The following SDK1 variants were observed in gnomAD, a reference collection of about 807,000 sequenced individuals.
SDK1 encodes protein sidekick-1.
SDK1 carries 157 observed loss-of-function variants against 245.5 expected under a neutral mutation model. That is an observed-to-expected ratio of 0.64 (90% CI 0.56 to 0.73). The LOEUF is 0.73. SDK1 is among the 30% of genes least tolerant of loss of function. The pLI is 0.00. For synonymous variants in SDK1, 1,647 were observed against 1,278.5 expected (o/e 1.29, Z -6.15); for missense variants, 3,583 against 3,002.3 (o/e 1.19, Z -4.52).
intron 1 of SDK1, among the ~76,000 whole-genome samples, chr7:3,316,124 G>A (rs1779657539): frequency 2.0e-5 from 3 of 152,020 alleles, no homozygotes; most frequent in African/African-American, 7.2e-5. Flanking sequence ...GCATGAAGTT[G>A]TAAATGAAAA....
At chr7:4,025,945 A>G (rs1324359201) in intron 17 of SDK1, among the ~76,000 whole-genome samples, 1 of 152,194 alleles carries the variant, frequency 6.6e-6, no homozygotes, top group Non-Finnish European at 1.5e-5. Flanking sequence ...TTTGCTCAGG[A>G]GCCTAAATGC....
At chr7:3,566,082 A>G (rs936131347) in intron 1 of SDK1, among the ~76,000 whole-genome samples, 7 of 152,226 alleles carry the variant, frequency 4.6e-5, no homozygotes, top group Non-Finnish European at 8.8e-5. Context: ...TAAAATGCTA[A>G]TAAAAGACCA....
chr7:4,001,007 G>A (rs548117843), intron 14 of SDK1, among the ~76,000 whole-genome samples: 120 of 152,308 alleles, frequency 7.9e-4, no homozygotes, highest in Non-Finnish European at 1.5e-3. Context: ...TCACCAAGAC[G>A]AGATGGGGGT....
rs1782945217 is a variant in SDK1 at position 4,187,179 on chromosome 7, CA to C, written c.5098+8594del. ...ACGGGGGCCAAGTCCAGGGATGAGG[CA>C]GGGGGCACCTGAGGGAGTGGGGAGG... On this transcript the variant is annotated intron_variant, in intron 35 of 44. Transcript: ENST00000404826. 2.0e-5 allele frequency among the ~76,000 whole-genome samples: 3 copies of C among 152,062 alleles called. No individual in the cohort carries two copies. In the South Asian group the frequency reaches 6.2e-4, roughly 32 times the overall value.
chr7:3,418,145 GAAAAA>G (rs200914826), intron 1 of SDK1, among the ~76,000 whole-genome samples: 5 of 119,726 alleles, frequency 4.2e-5, no homozygotes, highest in African/African-American at 1.2e-4. Context: ...TACTAAAAAT[GAAAAA>G]AAAAAAAAAA....
At chr7:3,749,494 T>A (rs1235549781) in intron 4 of SDK1, among the ~76,000 whole-genome samples, 4 of 152,042 alleles carry the variant, frequency 2.6e-5, no homozygotes, top group Non-Finnish European at 5.9e-5. Flanking sequence ...AGAGACAGGG[T>A]TTCACCATGT....
At chr7:3,584,273 A>G (rs554920026) in intron 1 of SDK1, among the ~76,000 whole-genome samples, 1 of 152,098 alleles carries the variant, frequency 6.6e-6, no homozygotes, top group Non-Finnish European at 1.5e-5. Flanking sequence ...CATGAGATCT[A>G]TTTGAATACA....
At chr7:4,003,703 C>T (rs1019610103) in intron 14 of SDK1, among the ~76,000 whole-genome samples, 2 of 152,218 alleles carry the variant, frequency 1.3e-5, no homozygotes, top group East Asian at 1.9e-4. Context: ...CTTCCAGACA[C>T]GGGGAATTTA....
At chr7:3,860,131 A>G (rs777951870) in intron 5 of SDK1, among the ~76,000 whole-genome samples, 37 of 152,090 alleles carry the variant, frequency 2.4e-4, no homozygotes, top group Admixed American at 1.2e-3. Context: ...CAAGTTAGCC[A>G]GGATGGTCTC....
intron 4 of SDK1, among the ~76,000 whole-genome samples, chr7:3,699,823 A>T (rs535477370): frequency 2.0e-5 from 3 of 152,254 alleles, no homozygotes; most frequent in East Asian, 3.8e-4. Context: ...TTTCCTGAAT[A>T]TGGCATTTTA....
intron 20 of SDK1, among the ~76,000 whole-genome samples, chr7:4,075,334 A>G (rs150365209): frequency 3.9e-5 from 6 of 152,024 alleles, no homozygotes; most frequent in Admixed American, 1.3e-4. Flanking sequence ...ACGACATTAA[A>G]TTTTTTTCAA....
At chr7:3,377,546 C>G (rs889677076) in intron 1 of SDK1, among the ~76,000 whole-genome samples, 2 of 152,056 alleles carry the variant, frequency 1.3e-5, no homozygotes, top group African/African-American at 2.4e-5. Context: ...TGTACCCTGT[C>G]AGGCAGAGCT....
chr7:3,572,614 T>C (rs888762069), intron 1 of SDK1, among the ~76,000 whole-genome samples: 2 of 152,054 alleles, frequency 1.3e-5, no homozygotes, highest in Admixed American at 1.3e-4. Flanking sequence ...ATTATTATTA[T>C]TTTATTCTGA....
intron 1 of SDK1, among the ~76,000 whole-genome samples, chr7:3,468,790 C>T (rs1394553276): frequency 6.6e-5 from 10 of 152,134 alleles, no homozygotes; most frequent in Non-Finnish European, 4.4e-5. Flanking sequence ...AAGTGGACAA[C>T]TTCCCTAGTA....
At chr7:3,422,605 C>A (rs1287479264) in intron 1 of SDK1, among the ~76,000 whole-genome samples, 1 of 152,064 alleles carries the variant, frequency 6.6e-6, no homozygotes, top group East Asian at 1.9e-4. Flanking sequence ...CCAGCCTGGG[C>A]AACATAGCAA....
chr7:4,223,288 TG>T lies in SDK1; in HGVS notation c.5827+1926del, dbSNP rs139350271. ...TTTTCACTGACCTCTAACTAGAATT[TG>T]GCATTTCCTGTAATTATGGATGCAG... On this transcript the variant is annotated intron_variant, in intron 40 of 44. Coordinates refer to ENST00000404826, the MANE Select transcript of SDK1 (RefSeq NM_152744.4). 2.1e-3 allele frequency among the ~76,000 whole-genome samples: 320 copies of T among 152,344 alleles called. 1 individual carries two copies. The highest frequency in any genetic ancestry group is 7.4e-3 in the African/African-American group (308 of 41,576).
At chr7:3,511,771 TAGGC>T (rs1782587359) in intron 1 of SDK1, among the ~76,000 whole-genome samples, 1 of 150,472 alleles carries the variant, frequency 6.6e-6, no homozygotes, top group Non-Finnish European at 1.5e-5. Context: ...TTACCATTCT[TAGGC>T]AGCCACTGTT....
At chr7:3,568,496 T>G (rs1374880708) in intron 1 of SDK1, among the ~76,000 whole-genome samples, 1 of 152,220 alleles carries the variant, frequency 6.6e-6, no homozygotes, top group East Asian at 1.9e-4. Flanking sequence ...CTAAAATGAT[T>G]AACATTCAAG....
chr7:3,785,451 C>T (rs1030827889), intron 4 of SDK1, among the ~76,000 whole-genome samples: 12 of 151,992 alleles, frequency 7.9e-5, no homozygotes, highest in African/African-American at 2.7e-4. Flanking sequence ...CTTTGTACCC[C>T]ATACATTTAT....
Sources: gnomAD v4.1 joint callset for allele counts (sites outside exome capture counted in the v4.1 genomes callset) on GRCh38, gnomAD v4.1.1 for gene constraint, MANE v1.5 for transcripts, NCBI Gene and HGNC (gene_info 2026-07-23, HGNC 2026-07-21) for gene names.